Variants in EVL observed in about 807,000 individuals in gnomAD.
The protein encoded by EVL is Enah/Vasp-like.
Under a neutral mutation model 59.6 loss-of-function variants are expected in EVL, and 21 were observed. The ratio of observed to expected loss-of-function variants is 0.35; its 90% confidence interval spans 0.25 to 0.51. The LOEUF (loss-of-function observed/expected upper bound fraction) is 0.51. Among genes scored for constraint, EVL ranks in the 20% least tolerant of loss-of-function variants. The pLI is 0.97. For synonymous variants in EVL, 198 were observed against 203.5 expected (o/e 0.97, Z 0.23); for missense variants, 462 against 546.6 (o/e 0.85, Z 1.54).
rs566600520 is a variant in EVL at position 100,032,242 on chromosome 14, G to A, written c.6-52445G>A. 5.9e-5 allele frequency among the ~76,000 whole-genome samples: 9 copies of A among 152,310 alleles called. No homozygotes were observed. The South Asian group carries it at 1.9e-3, about 32-fold the overall frequency. ...AGCACTTCCAAAGCCACAGAATGAA[G>A]ATTGTGTACTTTTATTCTCCACCTT... On this transcript the variant is annotated intron_variant, in intron 1 of 13. Transcript: ENST00000402714.
Position 99,972,602 on chromosome 14 carries a change from C to A in EVL, c.5+545C>A, listed in dbSNP as rs978510996. On this transcript the variant is annotated intron_variant, in intron 1 of 13. Transcript: ENST00000402714. The surrounding 1 kb of genome is among the most constrained non-coding windows in gnomAD (Gnocchi z 4.4). Reference sequence around the variant, plus strand: ...CTTCGTCTCCTAATTCTCAACCCCCCTTTTTTTTCTTCTTGCACGCCAGTA... The same window carrying A: ...CTTCGTCTCCTAATTCTCAACCCCCATTTTTTTTCTTCTTGCACGCCAGTA... Among the ~76,000 whole-genome samples the A allele has an allele frequency of 3.7e-4, 57 of 152,142 alleles. No homozygotes were observed. The highest frequency in any genetic ancestry group is 1.2e-3 in the Admixed American group (19 of 15,288).
chr14:100,120,194 T>G (rs988095188), intron 3 of EVL, among the ~76,000 whole-genome samples: 3 of 152,156 alleles, frequency 2.0e-5, no homozygotes, highest in Admixed American at 1.3e-4. Context: ...AATCCCTATA[T>G]CTCCGTGGCT....
intron 1 of EVL, among the ~76,000 whole-genome samples, chr14:100,020,725 G>T (rs148533177): frequency 3.3e-5 from 5 of 152,264 alleles, no homozygotes; most frequent in African/African-American, 9.6e-5. Flanking sequence ...CCAGTCAAGG[G>T]AGTAGATAAG....
At chr14:100,133,793 G>A (rs569782259) in intron 8 of EVL, among the ~76,000 whole-genome samples, 18 of 152,042 alleles carry the variant, frequency 1.2e-4, no homozygotes, top group African/African-American at 3.9e-4. Context: ...CAAAATTAGC[G>A]GGGCATGGTG....
rs60757140 is a variant in EVL at position 100,005,676 on chromosome 14, G to A, written c.5+33619G>A. 0.012 allele frequency among the ~76,000 whole-genome samples: 1,755 copies of A among 149,070 alleles called. 81 individuals carry two copies. The East Asian group carries it at 0.16, about 14-fold the overall frequency. On this transcript the variant is annotated intron_variant, in intron 1 of 13. Coordinates refer to the EVL transcript ENST00000402714. ...ACACACACACACACACACACCCCTT[G>A]GATGTTACCTTTTAATTAAACTGAC...
At chr14:100,033,122 C>T (rs529230183) in intron 1 of EVL, among the ~76,000 whole-genome samples, 33 of 151,908 alleles carry the variant, frequency 2.2e-4, no homozygotes, top group South Asian at 8.3e-4. Context: ...AAAGATCAGC[C>T]GGAAAGACTA....
intron 3 of EVL, among the ~76,000 whole-genome samples, chr14:100,118,451 TCTC>T (rs1887489587): frequency 6.6e-6 from 1 of 152,184 alleles, no homozygotes; most frequent in Admixed American, 6.5e-5. Flanking sequence ...TATAAGCTCA[TCTC>T]CTCCTTGGAG....
intron 1 of EVL, among the ~76,000 whole-genome samples, chr14:100,082,559 C>T (rs139673780): frequency 1.4e-4 from 22 of 152,302 alleles, no homozygotes; most frequent in African/African-American, 3.6e-4. Flanking sequence ...CAACGGGTTG[C>T]TTTGGAGAGT....
intron 1 of EVL, among the ~76,000 whole-genome samples, chr14:100,078,890 AGTT>A (rs2062227336): frequency 6.6e-6 from 1 of 152,104 alleles, no homozygotes; most frequent in Non-Finnish European, 1.5e-5. Context: ...GAGTATGAAG[AGTT>A]GTTCTGTCCA....
rs966073061 is a variant in EVL, at chr14:100,072,912, G to A, written c.11+7401G>A. Among the ~76,000 whole-genome samples, 6 of 152,370 alleles carry A rather than the reference G, an allele frequency of 3.9e-5. No individual in the cohort carries two copies. The East Asian group carries it at 1.2e-3, about 29-fold the overall frequency. On this transcript the variant is annotated intron_variant, in intron 1 of 13. Transcript: ENST00000392920. ...CTGCACGGCGGAGCGTCAGGTTGCTGTCTAGTCCAGGCTCTGCCGCGGATC... is the reference window on the plus strand; with the variant it reads ...CTGCACGGCGGAGCGTCAGGTTGCTATCTAGTCCAGGCTCTGCCGCGGATC...
At chr14:100,047,906 T>C (rs2061580239) in intron 1 of EVL, among the ~76,000 whole-genome samples, 1 of 152,202 alleles carries the variant, frequency 6.6e-6, no homozygotes, top group South Asian at 2.1e-4. Context: ...CTGGAACAAT[T>C]GGACACCCTT....
chr14:100,041,566 T>C (rs569972184), intron 1 of EVL, among the ~76,000 whole-genome samples: 1 of 152,300 alleles, frequency 6.6e-6, no homozygotes, highest in South Asian at 2.1e-4. Context: ...GTGGAAATGA[T>C]TGTAATAAAT....
At position 100,125,253 on chromosome 14, in the gene EVL, TACACACAC is replaced by T. The variant is rs34556561; in HGVS notation, c.423-1421_423-1414del. Among the ~76,000 whole-genome samples, 767 of 119,600 alleles carry T rather than the reference TACACACAC, an allele frequency of 6.4e-3. 25 individuals carry two copies. The highest frequency in any genetic ancestry group is 0.038 in the South Asian group (129 of 3,372). The allele number at this position is 119,600 out of a possible 152,430, so 78.5% of individuals were successfully genotyped here. A position where few individuals can be genotyped will look rare whatever the true frequency, so the allele number is the denominator to read the frequency against. Reference sequence around the variant, plus strand: ...ACACACACCTGCCCCAAGGCAGGAATACACACACACACACACACACACACACACACACA... The same window carrying T: ...ACACACACCTGCCCCAAGGCAGGAATACACACACACACACACACACACACA... On this transcript the variant is annotated intron_variant, in intron 4 of 13. Transcript: ENST00000392920.
At chr14:100,068,308 A>C (rs1487284338) in intron 1 of EVL, among the ~76,000 whole-genome samples, 1 of 152,206 alleles carries the variant, frequency 6.6e-6, no homozygotes, top group East Asian at 1.9e-4. Flanking sequence ...GGCTGGAGCA[A>C]CATGAAGAAG....
chr14:100,028,819 C>A (rs899363079), intron 1 of EVL, among the ~76,000 whole-genome samples: 1 of 152,120 alleles, frequency 6.6e-6, no homozygotes, highest in African/African-American at 2.4e-5. Flanking sequence ...CAAAAAAAAT[C>A]TATTCTTCAT....
At chr14:99,978,521 T>A (rs2060785402) in intron 1 of EVL, among the ~76,000 whole-genome samples, 1 of 152,216 alleles carries the variant, frequency 6.6e-6, no homozygotes, top group South Asian at 2.1e-4. Context: ...TTTTTAAAAT[T>A]GCTACAGTTT....
intron 1 of EVL, among the ~76,000 whole-genome samples, chr14:100,054,132 G>A (rs556707144): frequency 1.4e-4 from 18 of 124,566 alleles, no homozygotes; most frequent in Admixed American, 1.2e-3. Flanking sequence ...CCAGATCACC[G>A]CAACATCTGC....
intron 1 of EVL, among the ~76,000 whole-genome samples, chr14:100,082,162 TC>T (rs1300612257): frequency 2.0e-5 from 3 of 151,476 alleles, no homozygotes; most frequent in Non-Finnish European, 4.4e-5. Context: ...GAAGAAAGCC[TC>T]CCCTGTCCCC....
rs1555362109 is a variant in EVL, at chr14:100,128,642, C to G, written c.611C>G (p.Pro204Arg). ...CCCACTGGGGCTACCCCACCTCCCCCACCCCCACTGCCAGCCGGAGGAGCC... is the reference window on the plus strand; with the variant it reads ...CCCACTGGGGCTACCCCACCTCCCCGACCCCCACTGCCAGCCGGAGGAGCC... ...PPPTGATPPPPPPLPAGGAQG... is the reference protein window; with the variant it reads ...PPPTGATPPPRPPLPAGGAQG... The change falls in exon 6 of 14, where the codon CCA (proline) becomes CGA (arginine). Residue 204 changes from proline to arginine, a missense_variant. By Grantham distance (103) the Pro-to-Arg change is moderately radical (BLOSUM62 -2). Coordinates refer to ENST00000392920, the MANE Select transcript of EVL (RefSeq NM_016337.3). 6.4e-7 allele frequency: 1 copy of G among 1,571,542 alleles called. No homozygotes were observed. Among genetic ancestry groups the G allele is most frequent in the Non-Finnish European group, 8.6e-7 (1 of 1,158,836 alleles).
Sources: gnomAD v4.1 joint callset for allele counts (sites outside exome capture counted in the v4.1 genomes callset) on GRCh38, gnomAD v4.1.1 for gene constraint, Gnocchi (gnomAD v3.1) non-coding constraint, MANE v1.5 for transcripts, NCBI Gene and HGNC (gene_info 2026-07-23, HGNC 2026-07-21) for gene names.